The following ATP2A2 variants were observed in gnomAD, a reference collection of about 807,000 sequenced individuals.
The protein encoded by ATP2A2 is sarcoplasmic/endoplasmic reticulum calcium ATPase 2.
A neutral mutation model predicts 109.3 loss-of-function variants in ATP2A2; 14 were observed. The ratio of observed to expected loss-of-function variants is 0.13; its 90% CI spans 0.08 to 0.20. The LOEUF (loss-of-function observed/expected upper bound fraction) is 0.20. ATP2A2 is among the 10% of genes least tolerant of loss of function. The pLI, the probability that ATP2A2 is intolerant of heterozygous loss-of-function variation, is 1.00. For missense variants in ATP2A2, 657 were observed against 1,321.6 expected (o/e 0.50, Z 7.80); for synonymous variants, 506 against 490.9 (o/e 1.03, Z -0.41).
chr12:110,345,322 A>G lies in ATP2A2; in HGVS notation c.2681A>G (p.Tyr894Cys). The G allele has an allele frequency of 6.2e-7, 1 of 1,614,160 alleles. No homozygotes were observed. Residue 894 changes from tyrosine to cysteine, a missense_variant, in exon 18 of 20, where the codon TAC becomes TGC. Physicochemically the swap from Tyr to Cys is radical, Grantham distance 194. Transcript: ENST00000539276. The part of the protein sequence containing the change: ...GVDCAIFESP[Y>C]PMTMALSVLV... ...GATTGTGCAATCTTTGAATCCCCATACCCGATGACAATGGCGCTCTCTGTT... is the reference window on the plus strand; with the variant it reads ...GATTGTGCAATCTTTGAATCCCCATGCCCGATGACAATGGCGCTCTCTGTT...
Position 110,348,004 on chromosome 12 carries a change from A to G in ATP2A2, c.*1534A>G. 1 of 987,930 alleles carries G rather than the reference A, an allele frequency of 1.0e-6. No homozygotes were observed. Among genetic ancestry groups the G allele is most frequent in the Non-Finnish European group, 1.2e-6 (1 of 831,582 alleles). The allele number at this position is 987,930 out of a possible 1,614,324, so 61.2% of individuals were successfully genotyped here. A position where few individuals can be genotyped will look rare whatever the true frequency, so the allele number is the denominator to read the frequency against. ...GGAGGTGTGGCTTTCATAGACCTCC[A>G]CAGGCTGCCTAGGACAAGATGACCA... is the stretch of plus-strand genomic sequence containing the variant. On this transcript the variant is annotated 3_prime_UTR_variant, in exon 20 of 20. Transcript: ENST00000539276.
In ATP2A2 at chr12:110,281,918, G is replaced by C; in HGVS notation, c.118+11G>C. 2 of 1,565,366 alleles carry C rather than the reference G, an allele frequency of 1.3e-6. No homozygotes were observed. Among genetic ancestry groups the C allele is most frequent in the Non-Finnish European group, 1.7e-6 (2 of 1,157,152 alleles). On this transcript the variant is annotated intron_variant, in intron 1 of 19. Coordinates refer to ENST00000539276, the MANE Select transcript of ATP2A2 (RefSeq NM_170665.4). The stretch of plus-strand genomic sequence containing the variant: ...GATGGGGCTCCAACGGTAGGTGCAG[G>C]GCGCTCCGCTGCAGGGGCCCGGCGC...
intron 5 of ATP2A2, among the ~76,000 whole-genome samples, chr12:110,307,018 G>GA (rs1157537245): frequency 6.6e-6 from 1 of 151,690 alleles, no homozygotes; most frequent in Admixed American, 6.6e-5. Context: ...CTTGGCCTCC[G>GA]AAAGTGCTGA....
rs374591926 is a variant in ATP2A2 at position 110,302,169 on chromosome 12, C to T, written c.463+5432C>T. 5.3e-5 allele frequency among the ~76,000 whole-genome samples: 8 copies of T among 152,194 alleles called. No homozygotes were observed. The South Asian group carries it at 1.7e-3, about 32-fold the overall frequency. The stretch of plus-strand genomic sequence containing the variant: ...CTTACCCATTTTAACCATTTTTAAG[C>T]GTGCAGTTCTGTGGCATTAAGTACA... On this transcript the variant is annotated intron_variant, in intron 5 of 19. Transcript: ENST00000539276.
At chr12:110,345,721 T>A in intron 18 of ATP2A2, 1 of 575,034 alleles carries the variant, frequency 1.7e-6, no homozygotes, top group East Asian at 3.1e-5. Flanking sequence ...GTGACAAAAA[T>A]GGAAATTTCT....
At chr12:110,312,878 A>G (rs1266074277) in intron 5 of ATP2A2, among the ~76,000 whole-genome samples, 2 of 152,038 alleles carry the variant, frequency 1.3e-5, no homozygotes, top group Non-Finnish European at 2.9e-5. Flanking sequence ...AAACAAAACA[A>G]AAAAGAAAAA....
At chr12:110,335,215 C>G (rs1878728287) in intron 11 of ATP2A2, among the ~76,000 whole-genome samples, 2 of 152,110 alleles carry the variant, frequency 1.3e-5, no homozygotes, top group Admixed American at 6.5e-5. Context: ...CAGTACTGCC[C>G]TTAGATTTCT....
In ATP2A2 at chr12:110,326,495, T is replaced by G. The variant is rs1385135167; in HGVS notation, c.630+20T>G. The G allele has an allele frequency of 6.3e-7, 1 of 1,586,858 alleles. No individual in the cohort carries two copies. Among genetic ancestry groups the G allele is most frequent in the Admixed American group, 1.7e-5 (1 of 59,208 alleles). On this transcript the variant is annotated intron_variant, in intron 7 of 19. Coordinates refer to ENST00000539276, the MANE Select transcript of ATP2A2 (RefSeq NM_170665.4). ...TTTTCTGTAAGTACTTTATGAAATG[T>G]GTTTTTATTTACAGACATTTCCAAA...
At chr12:110,292,815 A>T (rs1274420022) in intron 4 of ATP2A2, among the ~76,000 whole-genome samples, 1 of 152,154 alleles carries the variant, frequency 6.6e-6, no homozygotes, top group African/African-American at 2.4e-5. Flanking sequence ...TTACGGTAGC[A>T]AGGAATTAAA....
intron 3 of ATP2A2, 100 bp from the exon 4 acceptor site, chr12:110,291,920 T>C: frequency 2.8e-6 from 3 of 1,073,306 alleles, no homozygotes; most frequent in Non-Finnish European, 4.3e-6. Flanking sequence ...GTGCTGGGAT[T>C]ACAGGCCTGA....
At chr12:110,297,710 C>T (rs1413389921) in intron 5 of ATP2A2, among the ~76,000 whole-genome samples, 2 of 152,146 alleles carry the variant, frequency 1.3e-5, no homozygotes, top group East Asian at 1.9e-4. Flanking sequence ...CCTCCACCTC[C>T]CAAGCTCAAG....
At chr12:110,296,837 GTAT>G in intron 5 of ATP2A2, 100 bp downstream of exon 5, 2 of 1,345,826 alleles carry the variant, frequency 1.5e-6, no homozygotes, top group Non-Finnish European at 2.1e-6. Flanking sequence ...TTGTTTTCAT[GTAT>G]CAATTAACAC....
intron 10 of ATP2A2, 100 bp from the exon 11 acceptor site, chr12:110,333,912 T>C (rs986061474): frequency 1.3e-6 from 2 of 1,533,594 alleles, no homozygotes; most frequent in Non-Finnish European, 9.0e-7. Context: ...AGTGTTGTAA[T>C]AGAGGACAGA....
chr12:110,297,864 C>A (rs1874136749), intron 5 of ATP2A2, among the ~76,000 whole-genome samples: 1 of 152,106 alleles, frequency 6.6e-6, no homozygotes, highest in Non-Finnish European at 1.5e-5. Context: ...GTGATCCTGC[C>A]TTAGCGTCCC....
intron 1 of ATP2A2, 57 bp from the exon 2 acceptor site, chr12:110,282,547 T>TC (rs1872245652): frequency 1.4e-5 from 5 of 368,374 alleles, no homozygotes; most frequent in South Asian, 1.5e-4. Context: ...TGTCTCTCTC[T>TC]TTTTTTTTTT....
intron 3 of ATP2A2, among the ~76,000 whole-genome samples, chr12:110,290,707 C>T (rs540199618): frequency 6.6e-6 from 1 of 151,556 alleles, no homozygotes; most frequent in Admixed American, 6.6e-5. Flanking sequence ...CAGGTTCAAG[C>T]GATTCTCCTG....
intron 3 of ATP2A2, among the ~76,000 whole-genome samples, chr12:110,287,662 T>G (rs183456712): frequency 4.7e-4 from 72 of 152,264 alleles, no homozygotes; most frequent in African/African-American, 1.6e-3. Context: ...TCGCCCAGAT[T>G]GGAGTGCAGT....
chr12:110,342,465 G>C lies in ATP2A2; in HGVS notation c.2318+17G>C. On this transcript the variant is annotated intron_variant, in intron 15 of 19. Transcript: ENST00000539276. The surrounding 1 kb of genome is among the most constrained non-coding windows in gnomAD (Gnocchi z 4.6). ...AGTTGTCTGGTAGGTCTCTGTGACA[G>C]CATCACTTACTGTACGCCTTTATCT... The C allele has an allele frequency of 1.2e-6, 2 of 1,610,530 alleles. No individual in the cohort carries two copies. The highest frequency in any genetic ancestry group is 1.7e-6 in the Non-Finnish European group (2 of 1,177,902).
At chr12:110,294,970 C>T (rs1219572664) in intron 4 of ATP2A2, among the ~76,000 whole-genome samples, 1 of 151,956 alleles carries the variant, frequency 6.6e-6, no homozygotes, top group African/African-American at 2.4e-5. Flanking sequence ...CAGGCGTGCA[C>T]CACCACGCCT....
Sources: allele counts gnomAD v4.1 joint callset (sites outside exome capture counted in the v4.1 genomes callset), GRCh38; gene constraint gnomAD v4.1.1; non-coding constraint Gnocchi (gnomAD v3.1); transcripts MANE v1.5; gene names NCBI Gene and HGNC (gene_info 2026-07-23, HGNC 2026-07-21).